The following LMX1B variants were observed in gnomAD, a reference collection of about 807,000 sequenced individuals.
LMX1B encodes LIM homeobox transcription factor 1-beta.
LMX1B carries 12 observed loss-of-function variants against 51.4 expected under a neutral mutation model. That is an observed-to-expected ratio of 0.23 (90% confidence interval 0.15 to 0.38). LMX1B has a LOEUF of 0.38. LMX1B is among the 10% of genes least tolerant of loss of function. The pLI is 1.00. For synonymous variants in LMX1B, 237 were observed against 235.4 expected, an observed-to-expected ratio of 1.01 and a Z score of -0.06; for missense variants, 445 against 571.1, an observed-to-expected ratio of 0.78 and a Z score of 2.25.
Position 126,680,040 on chromosome 9 carries a change from G to GC in LMX1B, c.327-10792dup, listed in dbSNP as rs1836644925. Reference sequence around the variant, plus strand: ...GCCTGGCCTATTCTGGCCATGCAGGGCCCCGGAGAGAAATCCAAAGGCCTC... The same window carrying GC: ...GCCTGGCCTATTCTGGCCATGCAGGGCCCCCGGAGAGAAATCCAAAGGCCTC... On this transcript the variant is annotated intron_variant, in intron 2 of 7. Transcript: ENST00000373474. 1.3e-5 allele frequency among the ~76,000 whole-genome samples: 2 copies of GC among 152,206 alleles called. 1 individual carries two copies. The highest frequency in any genetic ancestry group is 4.1e-4 in the South Asian group (2 of 4,830).
intron 2 of LMX1B, among the ~76,000 whole-genome samples, chr9:126,676,332 C>G (rs1242235249): frequency 6.6e-6 from 1 of 152,218 alleles, no homozygotes. Flanking sequence ...CCTTCTCTGA[C>G]TTGCTCCCCA....
At chr9:126,619,438 T>C (rs1835368167) in intron 2 of LMX1B, among the ~76,000 whole-genome samples, 1 of 152,108 alleles carries the variant, frequency 6.6e-6, no homozygotes. Context: ...CCTTCCCCAG[T>C]GTGTACCCCA....
chr9:126,632,561 G>A (rs1256282299), intron 2 of LMX1B, among the ~76,000 whole-genome samples: 1 of 152,222 alleles, frequency 6.6e-6, no homozygotes, highest in Non-Finnish European at 1.5e-5. Flanking sequence ...AACTGGAGAG[G>A]CACTTTATGG....
chr9:126,687,046 C>T (rs1466365019), intron 2 of LMX1B, among the ~76,000 whole-genome samples: 5 of 151,976 alleles, frequency 3.3e-5, no homozygotes, highest in Admixed American at 3.3e-4. Context: ...GAGGCTGCCC[C>T]CAGGAATCAT....
intron 2 of LMX1B, among the ~76,000 whole-genome samples, chr9:126,684,911 TA>T (rs1836744196): frequency 6.6e-6 from 1 of 152,174 alleles, no homozygotes; most frequent in African/African-American, 2.4e-5. Flanking sequence ...CAAGTTCACT[TA>T]CCTTGTTACC....
chr9:126,639,711 A>G (rs571191628), intron 2 of LMX1B, among the ~76,000 whole-genome samples: 1 of 152,266 alleles, frequency 6.6e-6, no homozygotes, highest in South Asian at 2.1e-4. Context: ...GGGGCAGAGG[A>G]GGGCTCAGGA....
At chr9:126,634,580 C>A (rs1442055129) in intron 2 of LMX1B, among the ~76,000 whole-genome samples, 1 of 148,534 alleles carries the variant, frequency 6.7e-6, no homozygotes, top group East Asian at 1.9e-4. Flanking sequence ...CCTGCATTAG[C>A]CTCTGGTGCC....
At chr9:126,645,116 C>A (rs146545243) in intron 2 of LMX1B, among the ~76,000 whole-genome samples, 2 of 152,184 alleles carry the variant, frequency 1.3e-5, no homozygotes, top group Non-Finnish European at 1.5e-5. Flanking sequence ...GGGTTCCCCC[C>A]CTACCACCCA....
At chr9:126,676,044 G>A (rs1361436286) in intron 2 of LMX1B, among the ~76,000 whole-genome samples, 5 of 131,052 alleles carry the variant, frequency 3.8e-5, no homozygotes, top group Admixed American at 7.8e-5. Context: ...GCGAGACTCC[G>A]TCTCAAAAAA....
In LMX1B at chr9:126,673,552, C is replaced by T. The variant is rs979044793; in HGVS notation, c.327-17284C>T. Among the ~76,000 whole-genome samples, 4 of 152,158 alleles carry T rather than the reference C, an allele frequency of 2.6e-5. No homozygotes were observed. The highest frequency in any genetic ancestry group is 9.7e-5 in the African/African-American group (4 of 41,420). ...AAGGGAACACAGATTTGGGGCCAAACATGAGGCCACGGGGTTTTTGAGGGG... is the reference window on the plus strand; with the variant it reads ...AAGGGAACACAGATTTGGGGCCAAATATGAGGCCACGGGGTTTTTGAGGGG... On this transcript the variant is annotated intron_variant, in intron 2 of 7. Transcript: ENST00000373474. The surrounding 1 kb of genome is among the most constrained non-coding windows in gnomAD (Gnocchi z 4.4).
chr9:126,672,201 A>G (rs1218158474), intron 2 of LMX1B, among the ~76,000 whole-genome samples: 1 of 152,246 alleles, frequency 6.6e-6, no homozygotes, highest in Non-Finnish European at 1.5e-5. Context: ...ACCTTGAGCA[A>G]GGCACTCAGT....
intron 2 of LMX1B, among the ~76,000 whole-genome samples, chr9:126,678,761 T>G (rs186918520): frequency 2.3e-4 from 35 of 152,222 alleles, no homozygotes; most frequent in Non-Finnish European, 3.8e-4. Context: ...GAGGAAAGCT[T>G]TATAGAAAAT....
In LMX1B at chr9:126,696,808, C is replaced by A. The variant is rs1292427246; in HGVS notation, c.*357C>A. 2 of 351,482 alleles carry A rather than the reference C, an allele frequency of 5.7e-6. No individual in the cohort carries two copies. Among genetic ancestry groups the A allele is most frequent in the African/African-American group, 4.2e-5 (2 of 47,544 alleles). The allele number at this position is 351,482 out of a possible 1,614,324, so 21.8% of individuals were successfully genotyped here. A position where few individuals can be genotyped will look rare whatever the true frequency, so the allele number is the denominator to read the frequency against. ...ATTTTTTTAAATGTCCTCTCTGTGT[C>A]CATGGCCCTCCATGCAAGCCCCAGG... is the stretch of plus-strand genomic sequence containing the variant. On this transcript the variant is annotated 3_prime_UTR_variant, in exon 8 of 8. Coordinates refer to ENST00000373474, the MANE Select transcript of LMX1B (RefSeq NM_001174147.2).
intron 2 of LMX1B, among the ~76,000 whole-genome samples, chr9:126,683,506 C>T (rs934895746): frequency 2.0e-5 from 3 of 152,314 alleles, no homozygotes; most frequent in East Asian, 3.9e-4. Context: ...CAGGCTGACT[C>T]TAGCAGCAGC....
intron 2 of LMX1B, among the ~76,000 whole-genome samples, chr9:126,653,895 G>A (rs1197827783): frequency 6.6e-6 from 1 of 152,054 alleles, no homozygotes; most frequent in Non-Finnish European, 1.5e-5. Flanking sequence ...CCCTGCATCA[G>A]GCCAATGGTT....
At chr9:126,653,975 G>A (rs994992215) in intron 2 of LMX1B, among the ~76,000 whole-genome samples, 5 of 152,040 alleles carry the variant, frequency 3.3e-5, no homozygotes, top group African/African-American at 1.2e-4. Context: ...CATTGGACCT[G>A]GACTCCCAGC....
At chr9:126,675,451 G>A (rs1371449742) in intron 2 of LMX1B, among the ~76,000 whole-genome samples, 1 of 152,250 alleles carries the variant, frequency 6.6e-6, no homozygotes, top group Non-Finnish European at 1.5e-5. Flanking sequence ...TGTTGGCCGG[G>A]TGCGGTGGCT....
intron 2 of LMX1B, among the ~76,000 whole-genome samples, chr9:126,670,256 T>C (rs1414958702): frequency 1.3e-5 from 2 of 152,134 alleles, no homozygotes; most frequent in Non-Finnish European, 2.9e-5. Context: ...TGTGCATACA[T>C]GAGTAGAGGC....
At chr9:126,674,681 G>A (rs1190167016) in intron 2 of LMX1B, among the ~76,000 whole-genome samples, 6 of 152,118 alleles carry the variant, frequency 3.9e-5, no homozygotes, top group African/African-American at 9.7e-5. Context: ...ACCTGACAGG[G>A]CCGAGGGAGC....
Sources: gnomAD v4.1 joint callset for allele counts (sites outside exome capture counted in the v4.1 genomes callset) on GRCh38, gnomAD v4.1.1 for gene constraint, Gnocchi (gnomAD v3.1) non-coding constraint, MANE v1.5 for transcripts, NCBI Gene and HGNC (gene_info 2026-07-23, HGNC 2026-07-21) for gene names.